Variants in ORC3 observed in about 807,000 individuals in gnomAD.
ORC3 encodes the protein origin recognition complex subunit 3, also known as homolog of latheo, Drosophila.
Under a neutral mutation model 100.7 loss-of-function variants are expected in ORC3, and 78 were observed. The ratio of observed to expected loss-of-function variants is 0.77; its 90% CI spans 0.65 to 0.94. ORC3 has a LOEUF of 0.94. Ranked by LOEUF, ORC3 falls within the 40% of genes least tolerant of loss-of-function variation. The pLI, the probability that ORC3 is intolerant of heterozygous loss-of-function variation, is 0.00. For synonymous variants in ORC3, 295 were observed against 289.3 expected (o/e 1.02, Z -0.20); for missense variants, 789 against 823.9 (o/e 0.96, Z 0.52).
chr6:87,636,349 C>T, intron 12 of ORC3, 58 bp from the exon 13 acceptor site: 4 of 971,376 alleles, frequency 4.1e-6, no homozygotes, highest in Non-Finnish European at 6.4e-6. Context: ...ATGATTTTTG[C>T]CAAACTAGTA....
At chr6:87,611,064 G>C (rs1778730132) in intron 7 of ORC3, among the ~76,000 whole-genome samples, 1 of 150,026 alleles carries the variant, frequency 6.7e-6, no homozygotes, top group South Asian at 2.1e-4. Flanking sequence ...AGGTCCCCAA[G>C]TAGCTAGGAC....
chr6:87,601,990 T>TATTTCC, intron 3 of ORC3, 109 bp downstream of exon 3: 1 of 726,368 alleles, frequency 1.4e-6, no homozygotes, highest in Non-Finnish European at 2.5e-6. Flanking sequence ...ATAGGAAGTA[T>TATTTCC]TGGTCAAGCA....
At chr6:87,591,227 C>CT (rs1402070716) in intron 1 of ORC3, among the ~76,000 whole-genome samples, 1 of 152,140 alleles carries the variant, frequency 6.6e-6, no homozygotes, top group Non-Finnish European at 1.5e-5. Context: ...AAAGTAAGAC[C>CT]TTGAGTTCTA....
chr6:87,609,477 T>C (rs993371023), intron 7 of ORC3: 2 of 325,438 alleles, frequency 6.1e-6, no homozygotes, highest in Non-Finnish European at 1.1e-5. Flanking sequence ...AAATATGGTT[T>C]TTCTCACCAA....
At position 87,603,426 on chromosome 6, in the gene ORC3, A is replaced by G; in HGVS notation, c.220A>G (p.Ile74Val). The G allele has an allele frequency of 6.5e-7, 1 of 1,532,350 alleles. No individual in the cohort carries two copies. The highest frequency in any genetic ancestry group is 1.3e-5 in the South Asian group (1 of 79,530). 94.9% of individuals were successfully genotyped at this position (1,532,350 alleles called of 1,614,324 possible). The change falls in exon 4 of 20, where the codon ATT becomes GTT. Residue 74 changes from isoleucine (I) to valine (V), a missense_variant. Ile to Val is a conservative substitution (Grantham distance 29, BLOSUM62 3). Around this residue, in one of 3 missense-constraint regions of ORC3, gnomAD observed 399 missense variants for 382.0 expected, o/e 1.04. Transcript: ENST00000392844. ...ELNKNLFDNL[I>V]EFLQKSHSGF... is the part of the protein sequence containing the mutation. ...AAATAAAAACTTGTTTGACAATCTG[A>G]TTGAATTTCTGCAAAAATCACATTC...
intron 16 of ORC3, among the ~76,000 whole-genome samples, chr6:87,661,235 A>C (rs911434261): frequency 6.6e-6 from 1 of 152,222 alleles, no homozygotes; most frequent in African/African-American, 2.4e-5. Flanking sequence ...ATGGTCAGAA[A>C]TTACAAATTG....
chr6:87,671,288 G>GTAA (rs1770824969), downstream of ORC3, among the ~76,000 whole-genome samples: 1 of 152,048 alleles, frequency 6.6e-6, no homozygotes, highest in African/African-American at 2.4e-5. Flanking sequence ...TTGGATTAGG[G>GTAA]TAATAGCAGT....
chr6:87,629,297 A>G (rs1266173460), intron 11 of ORC3, among the ~76,000 whole-genome samples: 1 of 152,238 alleles, frequency 6.6e-6, no homozygotes, highest in African/African-American at 2.4e-5. Flanking sequence ...TTGATTGAAA[A>G]GAAATTACAG....
chr6:87,637,179 G>T (rs1375178356), intron 13 of ORC3, among the ~76,000 whole-genome samples: 2 of 152,120 alleles, frequency 1.3e-5, no homozygotes, highest in Non-Finnish European at 2.9e-5. Flanking sequence ...GGTTGTAAAT[G>T]CTTATATAAA....
chr6:87,673,160 T>C, the ORC3 span, among the ~76,000 whole-genome samples: 7 of 135,630 alleles, frequency 5.2e-5, no homozygotes, highest in Non-Finnish European at 1.6e-5. Context: ...AAAAATTTTT[T>C]TTTTTTTTTT....
chr6:87,615,288 C>T (rs548944410), intron 8 of ORC3, among the ~76,000 whole-genome samples: 1 of 152,300 alleles, frequency 6.6e-6, no homozygotes, highest in Admixed American at 6.5e-5. Context: ...CACCAGGTCC[C>T]TCCCACAGCA....
intron 3 of ORC3, among the ~76,000 whole-genome samples, chr6:87,602,467 CT>C (rs55807123): frequency 3.8e-3 from 522 of 138,742 alleles, no homozygotes; most frequent in Middle Eastern, 3.6e-3. Flanking sequence ...AGGCTGACAA[CT>C]TTTTTTTTTT....
chr6:87,671,636 C>T (rs190686262), downstream of ORC3, among the ~76,000 whole-genome samples: 1 of 152,222 alleles, frequency 6.6e-6, no homozygotes, highest in African/African-American at 2.4e-5. Context: ...ATTGGGCCAA[C>T]AGCAAGACAG....
At chr6:87,638,059 G>A (rs912834958) in intron 13 of ORC3, among the ~76,000 whole-genome samples, 3 of 152,190 alleles carry the variant, frequency 2.0e-5, no homozygotes, top group Non-Finnish European at 4.4e-5. Context: ...TATACCTTCT[G>A]CTTTTCTTGG....
chr6:87,611,624 T>C (rs1778775756), intron 7 of ORC3, among the ~76,000 whole-genome samples: 1 of 151,934 alleles, frequency 6.6e-6, no homozygotes, highest in Non-Finnish European at 1.5e-5. Flanking sequence ...CCATCTCCAC[T>C]AAAATTAAAA....
At chr6:87,671,862 G>A (rs536294730), downstream of ORC3, among the ~76,000 whole-genome samples, 3 of 152,220 alleles carry the variant, frequency 2.0e-5, no homozygotes, top group African/African-American at 4.8e-5. Flanking sequence ...TGGAAAAGCC[G>A]TAACTGTTGT....
chr6:87,651,674 T>C (rs1769280744), intron 13 of ORC3, among the ~76,000 whole-genome samples: 1 of 152,220 alleles, frequency 6.6e-6, no homozygotes, highest in African/African-American at 2.4e-5. Context: ...ATTTAGTGGT[T>C]GTCTACTTTT....
At chr6:87,613,853 G>A (rs1778962155) in intron 8 of ORC3, among the ~76,000 whole-genome samples, 1 of 152,220 alleles carries the variant, frequency 6.6e-6, no homozygotes, top group Admixed American at 6.5e-5. Flanking sequence ...TGCTTTGCAG[G>A]TTACAGCCTC....
intron 9 of ORC3, 133 bp downstream of exon 9, chr6:87,616,560 C>T (rs1779166896): frequency 2.0e-6 from 1 of 491,430 alleles, no homozygotes; most frequent in African/African-American, 1.9e-5. Flanking sequence ...TTATTTTATT[C>T]TAGGTTCTAC....
Sources: gnomAD v4.1 joint callset for allele counts (sites outside exome capture counted in the v4.1 genomes callset) on GRCh38, gnomAD v4.1.1 for gene constraint, gnomAD v4.1.1 regional missense constraint, MANE v1.5 for transcripts, NCBI Gene and HGNC (gene_info 2026-07-23, HGNC 2026-07-21) for gene names.